The following OSBPL11 variants were observed in gnomAD, a reference collection of about 807,000 sequenced individuals.
The protein encoded by OSBPL11 is oxysterol-binding protein-related protein 11.
OSBPL11 carries 33 observed loss-of-function variants against 84.4 expected under a neutral mutation model. The observed-to-expected ratio is 0.39, with a 90% CI of 0.30 to 0.52. The LOEUF is 0.52. Among genes scored for constraint, OSBPL11 ranks in the 20% least tolerant of loss-of-function variants. OSBPL11 has a pLI of 0.72. For missense variants in OSBPL11, 736 were observed against 901.1 expected (o/e 0.82, Z 2.35); for synonymous variants, 276 against 310.2 (o/e 0.89, Z 1.16).
In OSBPL11 at chr3:125,588,946, T is replaced by C. The variant is rs62270207; in HGVS notation, c.164+5691A>G. 2.8e-3 allele frequency among the ~76,000 whole-genome samples: 427 copies of C among 152,234 alleles called. 2 individuals are homozygous for C. Among genetic ancestry groups the C allele is most frequent in the Non-Finnish European group, 4.1e-3 (276 of 68,000 alleles). ...CTGTATTTTAATCTATGACAAAAAGTATAAAGTCAAGAGAGGGGTCCTCCC... is the reference window on the plus strand; with the variant it reads ...CTGTATTTTAATCTATGACAAAAAGCATAAAGTCAAGAGAGGGGTCCTCCC... On this transcript the variant is annotated intron_variant, in intron 1 of 12. Transcript: ENST00000296220.
At chr3:125,550,872 C>T (rs1037722844) in intron 9 of OSBPL11, among the ~76,000 whole-genome samples, 1 of 152,066 alleles carries the variant, frequency 6.6e-6, no homozygotes, top group African/African-American at 2.4e-5. Context: ...ATGAATAGCA[C>T]CTCTGGCCTC....
intron 11 of OSBPL11, among the ~76,000 whole-genome samples, chr3:125,532,602 A>C (rs1018427460): frequency 4.0e-5 from 6 of 151,858 alleles, no homozygotes; most frequent in Admixed American, 6.6e-5. Flanking sequence ...ACAAAAAAAA[A>C]CTGCCACAAC....
chr3:125,572,926 C>T (rs972060965), intron 5 of OSBPL11, among the ~76,000 whole-genome samples: 9 of 118,462 alleles, frequency 7.6e-5, no homozygotes, highest in Admixed American at 1.8e-4. Flanking sequence ...TATATATATA[C>T]ACACACACAC....
At chr3:125,586,054 T>C (rs371213228) in intron 1 of OSBPL11, among the ~76,000 whole-genome samples, 6 of 152,112 alleles carry the variant, frequency 3.9e-5, no homozygotes, top group South Asian at 2.1e-4. Flanking sequence ...CTGGGCAACA[T>C]AGGGAGACCC....
At chr3:125,558,680 A>G (rs549653151) in intron 8 of OSBPL11, among the ~76,000 whole-genome samples, 19 of 152,340 alleles carry the variant, frequency 1.2e-4, no homozygotes, top group African/African-American at 4.6e-4. Context: ...TTTGACATAT[A>G]TAGGTTTTGA....
intron 11 of OSBPL11, among the ~76,000 whole-genome samples, chr3:125,534,937 A>G (rs1252705296): frequency 1.7e-5 from 2 of 117,370 alleles, no homozygotes; most frequent in Non-Finnish European, 3.3e-5. Flanking sequence ...CTAAGCTTCC[A>G]TTGTAAGAAA....
At chr3:125,569,542 T>A (rs1047536180) in intron 5 of OSBPL11, among the ~76,000 whole-genome samples, 3 of 152,206 alleles carry the variant, frequency 2.0e-5, no homozygotes, top group African/African-American at 4.8e-5. Flanking sequence ...TCCAAACTTA[T>A]GAACACGCAG....
intron 10 of OSBPL11, among the ~76,000 whole-genome samples, chr3:125,541,093 T>A (rs1358834193): frequency 6.6e-6 from 1 of 152,238 alleles, no homozygotes; most frequent in East Asian, 1.9e-4. Flanking sequence ...TGAATGGGCA[T>A]GGCTGTGTTC....
intron 1 of OSBPL11, among the ~76,000 whole-genome samples, chr3:125,590,516 C>T (rs1936579868): frequency 6.6e-6 from 1 of 152,032 alleles, no homozygotes; most frequent in Non-Finnish European, 1.5e-5. Context: ...AGATCTGCCA[C>T]CGCACTCCAG....
Position 125,586,858 on chromosome 3 carries a change from T to C in OSBPL11, c.165-3880A>G, listed in dbSNP as rs139194627. On this transcript the variant is annotated intron_variant, in intron 1 of 12. Coordinates refer to ENST00000296220, the MANE Select transcript of OSBPL11 (RefSeq NM_022776.5). ...CTTTCTTTATCAGACTTAAGATAGA[T>C]AAAAGTTTTTAAAATTAAGCTACCT... Among the ~76,000 whole-genome samples the C allele has an allele frequency of 1.8e-3, 275 of 152,342 alleles. 4 individuals carry two copies. The highest frequency in any genetic ancestry group is 5.8e-3 in the Admixed American group (89 of 15,292).
rs780192948 is a variant in OSBPL11, at chr3:125,538,539, C to T, written c.1936G>A (p.Gly646Arg). The change falls in exon 11 of 13, where the codon GGA (glycine) becomes AGA (arginine). Residue 646 changes from glycine (G) to arginine (R), a missense_variant. Gly to Arg is a moderately radical substitution (Grantham distance 125, BLOSUM62 -2). Around this residue, in one of 3 missense-constraint regions of OSBPL11, gnomAD observed 579 missense variants for 717.6 expected, o/e 0.81. Coordinates refer to ENST00000296220, the MANE Select transcript of OSBPL11 (RefSeq NM_022776.5). ...NSVLEFTYSN[G>R]ETKYVDLTKL... ...GTCAAGTCCACATACTTTGTCTCTC[C>T]ATTGCTATATGTGAACTCAAGAACA... 6.2e-7 allele frequency: 1 copy of T among 1,614,122 alleles called. No individual in the cohort carries two copies. The highest frequency in any genetic ancestry group is 1.3e-5 in the African/African-American group (1 of 75,050).
intron 10 of OSBPL11, among the ~76,000 whole-genome samples, chr3:125,543,619 G>C (rs1324665751): frequency 1.3e-5 from 2 of 152,058 alleles, no homozygotes; most frequent in Admixed American, 1.3e-4. Context: ...ACCATTTTGG[G>C]TGGGCACAGT....
intron 11 of OSBPL11, among the ~76,000 whole-genome samples, chr3:125,533,701 A>G (rs934219625): frequency 1.3e-5 from 2 of 152,254 alleles, no homozygotes; most frequent in African/African-American, 2.4e-5. Context: ...AAACAGAAAC[A>G]TCAAGACATA....
At chr3:125,541,379 A>G (rs1463338587) in intron 10 of OSBPL11, among the ~76,000 whole-genome samples, 3 of 152,236 alleles carry the variant, frequency 2.0e-5, no homozygotes, top group Non-Finnish European at 4.4e-5. Flanking sequence ...TATTATCACT[A>G]CATAGCATAA....
chr3:125,573,033 A>T, intron 5 of OSBPL11, among the ~76,000 whole-genome samples: 1 of 149,810 alleles, frequency 6.7e-6, no homozygotes. Flanking sequence ...GTGTATATAT[A>T]TATAACTTGC....
At chr3:125,586,876 A>T (rs533051979) in intron 1 of OSBPL11, among the ~76,000 whole-genome samples, 2 of 152,194 alleles carry the variant, frequency 1.3e-5, no homozygotes, top group African/African-American at 4.8e-5. Context: ...TTTAAAATTA[A>T]GCTACCTTTT....
chr3:125,581,605 A>G (rs1478590752), intron 2 of OSBPL11, among the ~76,000 whole-genome samples: 1 of 151,252 alleles, frequency 6.6e-6, no homozygotes, highest in East Asian at 2.0e-4. Flanking sequence ...CTGAGACAGA[A>G]GAATCACATG....
At chr3:125,592,910 C>G (rs1468937636) in intron 1 of OSBPL11, among the ~76,000 whole-genome samples, 6 of 152,092 alleles carry the variant, frequency 3.9e-5, no homozygotes, top group Non-Finnish European at 7.4e-5. Context: ...AACTCCTAGA[C>G]AAACACATAA....
Position 125,538,633 on chromosome 3 carries a change from C to T in OSBPL11, c.1842G>A (p.Arg614=), listed in dbSNP as rs924872153. Residue 614 remains arginine, a splice_region_variant and synonymous_variant, in exon 11 of 13, where the codon CGG becomes CGA. Transcript: ENST00000296220. ...TGTTGTGCTTTACTTCAGCTGTAACCCTAGAAGCAGACAGAAAAGAAAGAT... is the reference window on the plus strand; with the variant it reads ...TGTTGTGCTTTACTTCAGCTGTAACTCTAGAAGCAGACAGAAAAGAAAGAT... ...TKPFYGGKLH[R]VTAEVKHNIT... is the part of the protein sequence containing the mutation. 3 of 1,595,946 alleles carry T rather than the reference C, an allele frequency of 1.9e-6. No individual in the cohort carries two copies. The highest frequency in any genetic ancestry group is 1.3e-5 in the African/African-American group (1 of 74,214).
Sources: gnomAD v4.1 joint callset for allele counts (sites outside exome capture counted in the v4.1 genomes callset) on GRCh38, gnomAD v4.1.1 for gene constraint, gnomAD v4.1.1 regional missense constraint, MANE v1.5 for transcripts, NCBI Gene and HGNC (gene_info 2026-07-23, HGNC 2026-07-21) for gene names.